The following MUC7 variants were observed in gnomAD, a reference collection of about 807,000 sequenced individuals.
MUC7 encodes the protein mucin 7, secreted.
In MUC7, 2 loss-of-function variants were observed where a neutral mutation model predicts 2.5. That is an observed-to-expected ratio of 0.81 (90% CI 0.33 to 2.55). The LOEUF (loss-of-function observed/expected upper bound fraction) is 2.55. Among genes scored for constraint, MUC7 ranks in the 30% most tolerant of loss-of-function variants. The pLI, the probability that MUC7 is intolerant of heterozygous loss-of-function variation, is 0.11. For missense variants in MUC7, 408 were observed against 455.6 expected (o/e 0.90, Z 0.95); for synonymous variants, 133 against 173.4 (o/e 0.77, Z 1.83).
At chr4:70,454,701 G>A (rs1734372674) in intron 1 of MUC7, among the ~76,000 whole-genome samples, 1 of 152,036 alleles carries the variant, frequency 6.6e-6, no homozygotes, top group Non-Finnish European at 1.5e-5. Context: ...CCTGTTGTGG[G>A]GGACTATCAG....
intron 1 of MUC7, among the ~76,000 whole-genome samples, chr4:70,442,087 AG>A (rs1016294287): frequency 5.9e-5 from 9 of 152,344 alleles, no homozygotes; most frequent in Middle Eastern, 3.4e-3. Flanking sequence ...CAAGAAGTTG[AG>A]GGAGCTCATT....
chr4:70,453,838 G>A (rs1734352123), intron 1 of MUC7, among the ~76,000 whole-genome samples: 1 of 151,974 alleles, frequency 6.6e-6, no homozygotes, highest in African/African-American at 2.4e-5. Context: ...CAGGGCCCTA[G>A]GGCTCTTTAG....
chr4:70,480,989 C>A lies in MUC7; in HGVS notation c.245C>A (p.Pro82His), dbSNP rs751318775. 2.7e-5 allele frequency: 43 copies of A among 1,613,940 alleles called. No homozygotes were observed. The highest frequency in any genetic ancestry group is 6.6e-5 in the South Asian group (6 of 91,070). The change falls in exon 3 of 3, where the codon CCC becomes CAC. Residue 82 changes from proline (P) to histidine (H), a missense_variant. Pro to His is a moderately conservative substitution (Grantham distance 77). This residue lies in a region of MUC7 where 225 missense variants were observed against 240.5 expected (regional missense o/e 0.94). Coordinates refer to ENST00000304887, the MANE Select transcript of MUC7 (RefSeq NM_152291.3). ...PKLPPSPNNP[P>H]KFPNPHQPPK... is the part of the protein sequence containing the mutation. ...CTTCCACCTTCACCTAATAACCCCC[C>A]CAAATTCCCAAATCCTCACCAGCCA...
At chr4:70,460,605 A>G (rs1267731565) in intron 1 of MUC7, among the ~76,000 whole-genome samples, 1 of 151,930 alleles carries the variant, frequency 6.6e-6, no homozygotes, top group Non-Finnish European at 1.5e-5. Flanking sequence ...TCTGAAAAGC[A>G]CACACTTTGG....
At chr4:70,445,988 C>G (rs1264526363) in intron 1 of MUC7, among the ~76,000 whole-genome samples, 2 of 152,142 alleles carry the variant, frequency 1.3e-5, no homozygotes, top group Non-Finnish European at 2.9e-5. Context: ...CTCATGGCCA[C>G]TCACTCATTT....
At chr4:70,436,782 G>T (rs753105575) in intron 1 of MUC7, among the ~76,000 whole-genome samples, 1 of 151,944 alleles carries the variant, frequency 6.6e-6, no homozygotes, top group African/African-American at 2.4e-5. Context: ...GAGGCGTTTT[G>T]GTTTTTGGAA....
chr4:70,465,333 T>A (rs1734655780), intron 1 of MUC7, among the ~76,000 whole-genome samples: 1 of 152,084 alleles, frequency 6.6e-6, no homozygotes, highest in South Asian at 2.1e-4. Flanking sequence ...AAAACCAGAA[T>A]GCCTCTTCCC....
chr4:70,480,040 C>G (rs895886456), intron 2 of MUC7, among the ~76,000 whole-genome samples: 6 of 152,164 alleles, frequency 3.9e-5, no homozygotes, highest in African/African-American at 1.4e-4. Context: ...ATCAGATGTA[C>G]AGTTGGACTG....
intron 1 of MUC7, among the ~76,000 whole-genome samples, chr4:70,460,257 G>C (rs902900741): frequency 6.6e-6 from 1 of 152,044 alleles, no homozygotes; most frequent in Non-Finnish European, 1.5e-5. Context: ...AAATTGTGAG[G>C]TACCAATCAA....
chr4:70,469,575 A>G (rs1560555480), upstream of MUC7, among the ~76,000 whole-genome samples: 1 of 152,134 alleles, frequency 6.6e-6, no homozygotes, highest in South Asian at 2.1e-4. Context: ...AAAGCAAACA[A>G]CCCCATCAAA....
chr4:70,466,738 G>T (rs965963253), intron 1 of MUC7, among the ~76,000 whole-genome samples: 1 of 152,116 alleles, frequency 6.6e-6, no homozygotes, highest in South Asian at 2.1e-4. Context: ...CCCAATACAG[G>T]AGCATCCAGA....
At chr4:70,434,442 T>C (rs926124674) in intron 1 of MUC7, among the ~76,000 whole-genome samples, 2 of 152,238 alleles carry the variant, frequency 1.3e-5, no homozygotes, top group African/African-American at 4.8e-5. Context: ...CCTAGTGTAC[T>C]CTTGGGAGGG....
chr4:70,461,848 G>C (rs1306190443), intron 1 of MUC7, among the ~76,000 whole-genome samples: 1 of 149,664 alleles, frequency 6.7e-6, no homozygotes. Flanking sequence ...AAGCTAAAAA[G>C]AGCCAGCTTT....
At chr4:70,466,045 A>T (rs970030171) in intron 1 of MUC7, among the ~76,000 whole-genome samples, 1 of 152,222 alleles carries the variant, frequency 6.6e-6, no homozygotes, top group Admixed American at 6.5e-5. Flanking sequence ...CTAACATAAG[A>T]CTAGCAGAGG....
At position 70,481,053 on chromosome 4, in the gene MUC7, T is replaced by C. The variant is rs369210061; in HGVS notation, c.309T>C (p.Pro103=). The change falls in exon 3 of 3, where the codon CCT becomes CCC. Residue 103 remains proline (P), a synonymous_variant. Coordinates refer to ENST00000304887, the MANE Select transcript of MUC7 (RefSeq NM_152291.3). ...HPDKNSSVVN[P]TLVATTQIPS... is the part of the protein sequence containing the mutation. Reference sequence around the variant, plus strand: ...ATAAAAATAGCAGTGTGGTCAACCCTACCTTAGTGGCTACAACCCAAATTC... The same window carrying C: ...ATAAAAATAGCAGTGTGGTCAACCCCACCTTAGTGGCTACAACCCAAATTC... 1.2e-6 allele frequency: 2 copies of C among 1,613,994 alleles called. No homozygotes were observed. Among genetic ancestry groups the C allele is most frequent in the African/African-American group, 2.7e-5 (2 of 74,928 alleles).
intron 1 of MUC7, among the ~76,000 whole-genome samples, chr4:70,450,460 C>A (rs1399977370): frequency 6.6e-6 from 1 of 152,182 alleles, no homozygotes; most frequent in Non-Finnish European, 1.5e-5. Context: ...GTGCTGGTAC[C>A]TAAGGTGCAA....
Position 70,473,865 on chromosome 4 carries a change from G to C in MUC7, c.-15-142G>C. 3 of 581,482 alleles carry C rather than the reference G, an allele frequency of 5.2e-6. No individual in the cohort carries two copies. In the South Asian group the frequency reaches 8.4e-5, roughly 16 times the overall value. 36.0% of individuals were successfully genotyped at this position (581,482 alleles called of 1,614,324 possible). A position where few individuals can be genotyped will look rare whatever the true frequency, so the allele number is the denominator to read the frequency against. ...GAAGCAATTTTGCATCACCCCTATG[G>C]AATGAAAATGTATACATAATTTTCA... On this transcript the variant is annotated intron_variant, in intron 1 of 2. Transcript: ENST00000304887.
intron 1 of MUC7, among the ~76,000 whole-genome samples, chr4:70,459,416 T>C (rs1211570140): frequency 6.6e-6 from 1 of 151,956 alleles, no homozygotes; most frequent in Non-Finnish European, 1.5e-5. Context: ...AACATCACAC[T>C]CTGGGGACTG....
intron 2 of MUC7, among the ~76,000 whole-genome samples, chr4:70,474,945 T>C (rs1210350659): frequency 6.6e-6 from 1 of 152,078 alleles, no homozygotes; most frequent in African/African-American, 2.4e-5. Flanking sequence ...AGTGATTGAG[T>C]CTACTATATC....
Sources: allele counts gnomAD v4.1 joint callset (sites outside exome capture counted in the v4.1 genomes callset), GRCh38; gene constraint gnomAD v4.1.1; regional missense constraint gnomAD v4.1.1; transcripts MANE v1.5; gene names NCBI Gene and HGNC (gene_info 2026-07-23, HGNC 2026-07-21).